Variants in VCL observed in about 807,000 individuals in gnomAD.
The protein encoded by VCL is epididymis luminal protein 114.
In VCL, 47 loss-of-function variants were observed where a neutral mutation model predicts 125.7. The ratio of observed to expected loss-of-function variants is 0.37; its 90% CI spans 0.30 to 0.48. VCL has a LOEUF of 0.48. VCL is among the 20% of genes least tolerant of loss of function. The pLI is 0.99. For synonymous variants in VCL, 458 were observed against 514.6 expected, an observed-to-expected ratio of 0.89 and a Z score of 1.49; for missense variants, 1,069 against 1,455.5, an observed-to-expected ratio of 0.73 and a Z score of 4.32.
chr10:74,090,390 T>C (rs1249472715), intron 10 of VCL, among the ~76,000 whole-genome samples, 192 bp downstream of exon 10: 2 of 152,228 alleles, frequency 1.3e-5, no homozygotes, highest in Non-Finnish European at 1.5e-5. Context: ...GTATCAGTGA[T>C]GTAACTGAGG....
chr10:74,108,772 G>A (rs932482490), intron 17 of VCL, among the ~76,000 whole-genome samples, 199 bp from the exon 18 acceptor site: 8 of 152,302 alleles, frequency 5.3e-5, no homozygotes, highest in Admixed American at 6.5e-5. Flanking sequence ...GAGCCACTGC[G>A]CCCGGCCACT....
chr10:74,097,063 C>A lies in VCL; in HGVS notation c.1744-141C>A. Reference sequence around the variant, plus strand: ...ATAAATTACACCTGTTCTGTGCTAGCTCAGTGCTTTGTACACAGTTAACAA... The same window carrying A: ...ATAAATTACACCTGTTCTGTGCTAGATCAGTGCTTTGTACACAGTTAACAA... On this transcript the variant is annotated intron_variant, in intron 12 of 21. Coordinates refer to ENST00000211998, the MANE Select transcript of VCL (RefSeq NM_014000.3). This position sits in a 1 kb window ranked among gnomAD's most constrained non-coding sequence, Gnocchi z 4.1. The A allele has an allele frequency of 2.4e-6, 3 of 1,226,106 alleles. No individual in the cohort carries two copies. Among genetic ancestry groups the A allele is most frequent in the South Asian group, 2.5e-5 (2 of 81,382 alleles). The allele number at this position is 1,226,106 out of a possible 1,614,324, so 76.0% of individuals were successfully genotyped here. A position where few individuals can be genotyped will look rare whatever the true frequency, so the allele number is the denominator to read the frequency against.
chr10:74,014,530 C>T (rs752934038), intron 1 of VCL, among the ~76,000 whole-genome samples: 12 of 150,398 alleles, frequency 8.0e-5, no homozygotes, highest in Admixed American at 2.7e-4. Flanking sequence ...CCACTATGCC[C>T]GGCCAGTGTC....
intron 2 of VCL, among the ~76,000 whole-genome samples, chr10:74,058,140 C>T (rs1157116586): frequency 6.6e-6 from 1 of 152,094 alleles, no homozygotes; most frequent in Non-Finnish European, 1.5e-5. Context: ...ATTGATTTTG[C>T]CTGCCACATA....
chr10:74,033,946 A>C (rs548924901), intron 1 of VCL, among the ~76,000 whole-genome samples: 31 of 151,934 alleles, frequency 2.0e-4, no homozygotes, highest in Non-Finnish European at 3.8e-4. Flanking sequence ...CTCCATTCAC[A>C]CTGCTGCTGC....
At chr10:74,089,119 T>C (rs1839835226) in intron 8 of VCL, 77 bp from the exon 9 acceptor site, 1 of 1,593,874 alleles carries the variant, frequency 6.3e-7, no homozygotes, top group East Asian at 2.2e-5. Flanking sequence ...GAAAACCACA[T>C]GTACTGTGCT....
At chr10:74,001,843 A>T (rs1840231361) in intron 1 of VCL, among the ~76,000 whole-genome samples, 1 of 152,044 alleles carries the variant, frequency 6.6e-6, no homozygotes. Flanking sequence ...TTCTTTGGGA[A>T]TTTCTTTCAG....
chr10:74,045,539 C>A (rs1841182878), intron 2 of VCL, among the ~76,000 whole-genome samples: 1 of 149,876 alleles, frequency 6.7e-6, no homozygotes, highest in African/African-American at 2.5e-5. Flanking sequence ...GGGAGAATCA[C>A]TTGAATCCGG....
chr10:74,010,644 C>T (rs373270667), intron 1 of VCL, among the ~76,000 whole-genome samples: 57 of 151,466 alleles, frequency 3.8e-4, no homozygotes, highest in African/African-American at 9.4e-4. Context: ...TCCTTTTCAC[C>T]GTTTAAAAAA....
intron 1 of VCL, among the ~76,000 whole-genome samples, chr10:74,020,506 A>G (rs1246928701): frequency 6.6e-6 from 1 of 152,122 alleles, no homozygotes; most frequent in Non-Finnish European, 1.5e-5. Context: ...TGACTCTGAT[A>G]TGTATTCCAA....
intron 2 of VCL, among the ~76,000 whole-genome samples, chr10:74,059,078 T>A (rs1423032213): frequency 6.6e-6 from 1 of 152,082 alleles, no homozygotes; most frequent in East Asian, 1.9e-4. Context: ...TAGGTAAAAA[T>A]GACTCCTCCA....
At chr10:74,060,679 G>T (rs1036080150) in intron 2 of VCL, among the ~76,000 whole-genome samples, 10 of 142,954 alleles carry the variant, frequency 7.0e-5, no homozygotes, top group Non-Finnish European at 1.5e-5. Context: ...AAAAGAAAAA[G>T]AAAAAGAAGA....
At chr10:74,016,983 A>AT in intron 1 of VCL, 1 of 147,462 alleles carries the variant, frequency 6.8e-6, no homozygotes, top group Middle Eastern at 3.6e-3. Context: ...TGATTGGCTT[A>AT]TTTCACTTAG....
In VCL at chr10:74,101,104, T is replaced by G; in HGVS notation, c.2022+7T>G. The G allele has an allele frequency of 6.2e-7, 1 of 1,612,064 alleles. No homozygotes were observed. Among genetic ancestry groups the G allele is most frequent in the Non-Finnish European group, 8.5e-7 (1 of 1,178,962 alleles). On this transcript the variant is annotated splice_region_variant and intron_variant, in intron 14 of 21. Transcript: ENST00000211998. ...CCGAGAACTCACACCCCAGGTTGGG[T>G]TTTGCTCATTCCTCATACAGTGTTC...
At chr10:74,060,559 G>C (rs946382905) in intron 2 of VCL, among the ~76,000 whole-genome samples, 3 of 151,470 alleles carry the variant, frequency 2.0e-5, no homozygotes, top group African/African-American at 7.3e-5. Context: ...GGGAGGCTGA[G>C]GCAGGAGGAT....
At chr10:74,105,498 C>A (rs1840117903) in intron 16 of VCL, 145 bp downstream of exon 16, 8 of 1,069,154 alleles carry the variant, frequency 7.5e-6, no homozygotes, top group Non-Finnish European at 1.1e-5. Flanking sequence ...CTAGATTAAT[C>A]TTTTTCCATC....
intron 18 of VCL, among the ~76,000 whole-genome samples, chr10:74,110,742 T>C (rs1429815669): frequency 3.9e-5 from 6 of 152,246 alleles, no homozygotes; most frequent in African/African-American, 1.2e-4. Flanking sequence ...GAAAATTCCA[T>C]ATAAACTACT....
intron 21 of VCL, 113 bp from the exon 22 acceptor site, chr10:74,117,910 G>T: frequency 6.9e-7 from 1 of 1,457,962 alleles, no homozygotes. Flanking sequence ...GCAAATATGG[G>T]GGATGCCAGG....
chr10:74,049,483 A>G (rs189378284), intron 2 of VCL, among the ~76,000 whole-genome samples: 31 of 152,354 alleles, frequency 2.0e-4, no homozygotes, highest in African/African-American at 7.5e-4. Flanking sequence ...GAATTCAGAG[A>G]GAGAGCTCTC....
Sources: gnomAD v4.1 joint callset for allele counts (sites outside exome capture counted in the v4.1 genomes callset) on GRCh38, gnomAD v4.1.1 for gene constraint, Gnocchi (gnomAD v3.1) non-coding constraint, MANE v1.5 for transcripts, NCBI Gene and HGNC (gene_info 2026-07-23, HGNC 2026-07-21) for gene names.